LRRC74B: variants seen among roughly 807,000 people sequenced by gnomAD.
LRRC74B encodes the protein leucine-rich repeat-containing protein 74B.
Under a neutral mutation model 16.6 loss-of-function variants are expected in LRRC74B, and 30 were observed. The observed-to-expected ratio is 1.80, with a 90% CI of 1.35 to 2.45. LRRC74B has a LOEUF of 2.45. LRRC74B is among the 30% of genes most tolerant of loss of function. The pLI, the probability that LRRC74B is intolerant of heterozygous loss-of-function variation, is 0.00. For synonymous variants in LRRC74B, 134 were observed against 86.0 expected, an observed-to-expected ratio of 1.56 and a Z score of -3.09; for missense variants, 326 against 202.4, an observed-to-expected ratio of 1.61 and a Z score of -3.71.
chr22:21,055,639 C>A (rs1930462769), intron 7 of LRRC74B, among the ~76,000 whole-genome samples: 1 of 152,150 alleles, frequency 6.6e-6, no homozygotes, highest in Non-Finnish European at 1.5e-5. Context: ...GGGAGGCAAG[C>A]CGGGAGCAGG....
chr22:21,048,227 C>A (rs1459762475), intron 3 of LRRC74B: 1 of 559,812 alleles, frequency 1.8e-6, no homozygotes, highest in Non-Finnish European at 3.2e-6. Flanking sequence ...TCCTCACCCA[C>A]CCCACACCAT....
chr22:21,047,570 C>A, intron 2 of LRRC74B, 72 bp downstream of exon 2: 1 of 690,902 alleles, frequency 1.4e-6, no homozygotes. Context: ...TGGGAGTGCC[C>A]CTGTGTCTGT....
intron 6 of LRRC74B, among the ~76,000 whole-genome samples, chr22:21,054,574 C>A (rs1013087653): frequency 2.0e-5 from 3 of 152,240 alleles, no homozygotes; most frequent in African/African-American, 7.2e-5. Context: ...TCCTGCCCAG[C>A]TTTCCTCCCC....
chr22:21,052,350 G>A (rs1930138553), exon 5 of LRRC74B: 3 of 717,394 alleles, frequency 4.2e-6, no homozygotes, highest in South Asian at 1.5e-5. Context: ...ATTTGCCAGG[G>A]GACTGGAGGT....
intron 6 of LRRC74B, chr22:21,053,728 A>G (rs1930256931): frequency 3.3e-6 from 1 of 298,898 alleles, no homozygotes; most frequent in African/African-American, 2.2e-5. Flanking sequence ...AGCTCAAGCA[A>G]TCCCACCACC....
intron 7 of LRRC74B, 143 bp from the exon 8 acceptor site, chr22:21,056,958 ACTAT>A (rs1930566922): frequency 3.3e-6 from 2 of 599,574 alleles, no homozygotes; most frequent in Non-Finnish European, 5.9e-6. Flanking sequence ...ATTCTGTCTG[ACTAT>A]CTGATGGAGA....
chr22:21,062,679 C>T (rs1409046543), downstream of LRRC74B: 1 of 139,464 alleles, frequency 7.2e-6, no homozygotes, highest in Non-Finnish European at 1.5e-5. Context: ...CTTCACTGCA[C>T]TCCAGTCTGG....
intron 2 of LRRC74B, among the ~76,000 whole-genome samples, 190 bp from the exon 3 acceptor site, chr22:21,047,694 C>T (rs558756231): frequency 6.6e-6 from 1 of 152,260 alleles, no homozygotes; most frequent in East Asian, 1.9e-4. Context: ...ATCCTGCAGG[C>T]TCCTAACCCG....
chr22:21,047,239 C>A, intron 1 of LRRC74B, 117 bp from the exon 2 acceptor site: 1 of 616,948 alleles, frequency 1.6e-6, no homozygotes, highest in Admixed American at 2.8e-5. Flanking sequence ...TCCCAAGAAG[C>A]ACAGGAAGCA....
chr22:21,048,861 A>T lies in LRRC74B; in HGVS notation c.416-90A>T, dbSNP rs1046967770. ...AGTTAACCTGTAAGTCCCCTTCCTCAGCCTCAGACCTGGAGGTTTGGGGGA... is the reference window on the plus strand; with the variant it reads ...AGTTAACCTGTAAGTCCCCTTCCTCTGCCTCAGACCTGGAGGTTTGGGGGA... On this transcript the variant is annotated intron_variant, in intron 3 of 8. Transcript: ENST00000442047. 30 of 666,502 alleles carry T rather than the reference A, an allele frequency of 4.5e-5. No homozygotes were observed. In the East Asian group the frequency reaches 7.1e-4, roughly 16 times the overall value. The allele number at this position is 666,502 out of a possible 1,614,324, so 41.3% of individuals were successfully genotyped here. A position where few individuals can be genotyped will look rare whatever the true frequency, so the allele number is the denominator to read the frequency against.
intron 8 of LRRC74B, among the ~76,000 whole-genome samples, chr22:21,057,767 G>T (rs1240376519): frequency 7.1e-6 from 1 of 141,718 alleles, no homozygotes; most frequent in Admixed American, 7.3e-5. Context: ...ACAGGTACAG[G>T]TCACCATACC....
rs73164871 is a variant in LRRC74B, at chr22:21,048,937, G to A, written c.416-14G>A. ...TTTGCATCCCACTGGCCGAGGAGTG[G>A]TTCTGTCCCCCAGATGTGGACCTGT... On this transcript the variant is annotated splice_polypyrimidine_tract_variant and intron_variant, in intron 3 of 8. Coordinates refer to ENST00000442047, the Ensembl canonical transcript of LRRC74B. 3 of 715,588 alleles carry A rather than the reference G, an allele frequency of 4.2e-6. No individual in the cohort carries two copies. The highest frequency in any genetic ancestry group is 7.8e-6 in the Non-Finnish European group (3 of 384,628). The allele number at this position is 715,588 out of a possible 1,614,324, so 44.3% of individuals were successfully genotyped here. A position where few individuals can be genotyped will look rare whatever the true frequency, so the allele number is the denominator to read the frequency against.
chr22:21,048,187 C>T (rs374429716), intron 3 of LRRC74B, 171 bp downstream of exon 3: 39 of 613,784 alleles, frequency 6.4e-5, no homozygotes, highest in African/African-American at 6.0e-4. Context: ...AGACCCTCTG[C>T]TGTGCAGCCG....
intron 8 of LRRC74B, among the ~76,000 whole-genome samples, chr22:21,057,631 T>C (rs1258366276): frequency 6.9e-6 from 1 of 144,570 alleles, no homozygotes; most frequent in Non-Finnish European, 1.5e-5. Flanking sequence ...TTGCCACTTT[T>C]TTTTTGAGTC....
At chr22:21,053,595 G>A (rs1020513991) in intron 6 of LRRC74B, 120 bp downstream of exon 6, 1 of 613,840 alleles carries the variant, frequency 1.6e-6, no homozygotes. Flanking sequence ...TCCCAGAGCA[G>A]CTCTGTCATC....
At chr22:21,049,985 A>G (rs543356595) in intron 4 of LRRC74B, among the ~76,000 whole-genome samples, 1 of 152,272 alleles carries the variant, frequency 6.6e-6, no homozygotes, top group African/African-American at 2.4e-5. Flanking sequence ...CCAAACTCTT[A>G]GGGGAATGCT....
At position 21,047,445 on chromosome 22, in the gene LRRC74B, C is replaced by T. The variant is rs9620774; in HGVS notation, c.229C>T (p.Arg77Cys). ...TGTTGTGCCCATCTCCTGCTTTCTG[C>T]GCCAAGGGAGCGCCCAAGAGCTGAA... Residue 77 changes from arginine (R) to cysteine (C), a missense_variant, in exon 2 of 9, where the codon CGC becomes TGC. Arg to Cys is a radical substitution (Grantham distance 180). Transcript: ENST00000442047. 1,861 of 717,512 alleles carry T rather than the reference C, an allele frequency of 2.6e-3. 28 individuals carry two copies. The African/African-American group carries it at 0.028, about 11-fold the overall frequency. 44.4% of individuals were successfully genotyped at this position (717,512 alleles called of 1,614,324 possible).
rs1569194211 is a variant in LRRC74B, at chr22:21,048,017, G to A, written c.415+1G>A. On this transcript the variant is annotated splice_donor_variant, in intron 3 of 8. Coordinates refer to ENST00000442047, the Ensembl canonical transcript of LRRC74B. LOFTEE classifies it high-confidence loss of function. ...CTGAGCAAAAGCAGCAGCATCCATG[G>A]TAGGTGCTGGGTCTGGGGCAGGTGG... The A allele has an allele frequency of 1.4e-6, 1 of 717,404 alleles. No homozygotes were observed. Among genetic ancestry groups the A allele is most frequent in the African/African-American group, 1.7e-5 (1 of 57,352 alleles). The allele number at this position is 717,404 out of a possible 1,614,324, so 44.4% of individuals were successfully genotyped here.
At chr22:21,055,138 C>G in exon 7 of LRRC74B, 1 of 717,358 alleles carries the variant, frequency 1.4e-6, no homozygotes, top group Non-Finnish European at 2.6e-6. Context: ...GAGCCTGGGC[C>G]TGGGCCTCCG....
Sources: allele counts gnomAD v4.1 joint callset (sites outside exome capture counted in the v4.1 genomes callset), GRCh38; gene constraint gnomAD v4.1.1; transcripts MANE v1.5; gene names NCBI Gene and HGNC (gene_info 2026-07-23, HGNC 2026-07-21).